The following PLCB1 variants were observed in gnomAD, a reference collection of about 807,000 sequenced individuals.
PLCB1 encodes phospholipase C beta 1.
Under a neutral mutation model 161.8 loss-of-function variants are expected in PLCB1, and 46 were observed. The observed-to-expected ratio is 0.28, with a 90% CI of 0.22 to 0.36. PLCB1 has a LOEUF of 0.36. Among genes scored for constraint, PLCB1 ranks in the 10% least tolerant of loss-of-function variants. The pLI, the probability that PLCB1 is intolerant of heterozygous loss-of-function variation, is 1.00. For synonymous variants in PLCB1, 517 were observed against 503.7 expected (o/e 1.03, Z -0.35); for missense variants, 1,016 against 1,472.5 (o/e 0.69, Z 5.07).
At chr20:8,474,276 G>C (rs1982175297) in intron 3 of PLCB1, among the ~76,000 whole-genome samples, 3 of 152,142 alleles carry the variant, frequency 2.0e-5, no homozygotes, top group Non-Finnish European at 2.9e-5. Context: ...AGAGTTTCAT[G>C]CTAGGAAGAA....
intron 4 of PLCB1, among the ~76,000 whole-genome samples, chr20:8,629,274 T>C (rs1988454603): frequency 6.6e-6 from 1 of 152,150 alleles, no homozygotes; most frequent in Non-Finnish European, 1.5e-5. Flanking sequence ...TAAGAACAAA[T>C]AATATTTATT....
intron 3 of PLCB1, among the ~76,000 whole-genome samples, chr20:8,525,739 A>T (rs2082454799): frequency 1.3e-5 from 2 of 152,110 alleles, no homozygotes. Flanking sequence ...AATGAAATGA[A>T]ATAAAATTCA....
intron 25 of PLCB1, among the ~76,000 whole-genome samples, chr20:8,761,733 G>A (rs1730564993): frequency 6.7e-6 from 1 of 150,062 alleles, no homozygotes. Context: ...GGCCAGGCTG[G>A]TCTCGAACTC....
At position 8,881,544 on chromosome 20, in the gene PLCB1, T is replaced by C. The variant is rs77083364; in HGVS notation, c.3424-78T>C. 0.019 allele frequency: 19,786 copies of C among 1,033,294 alleles called. 254 individuals are homozygous for C. Among genetic ancestry groups the C allele is most frequent in the Admixed American group, 0.028 (1,505 of 53,866 alleles). The allele number at this position is 1,033,294 out of a possible 1,614,324, so 64.0% of individuals were successfully genotyped here. On this transcript the variant is annotated intron_variant, in intron 31 of 31. Transcript: ENST00000338037. The stretch of plus-strand genomic sequence containing the variant: ...TATTCATCAGCCCCTTTTGTATATC[T>C]CTTTCAGAGAGTTTCTATGGGAGTG...
rs116660573 is a variant in PLCB1 at position 8,204,529 on chromosome 20, C to G, written c.177+54158C>G. Among the ~76,000 whole-genome samples, 243 of 152,122 alleles carry G rather than the reference C, an allele frequency of 1.6e-3. 1 individual carries two copies. The highest frequency in any genetic ancestry group is 5.7e-3 in the African/African-American group (235 of 41,510). ...GTGGAAAGTGTTTGGCTCATGGGGG[C>G]AGATCCCTCATGGCTTGGTGTTGTC... is the stretch of plus-strand genomic sequence containing the variant. On this transcript the variant is annotated intron_variant, in intron 2 of 31. Coordinates refer to ENST00000338037, the MANE Select transcript of PLCB1 (RefSeq NM_015192.4).
chr20:8,350,208 C>G (rs1386182471), intron 2 of PLCB1, among the ~76,000 whole-genome samples: 5 of 152,128 alleles, frequency 3.3e-5, no homozygotes, highest in Non-Finnish European at 5.9e-5. Flanking sequence ...GCCAAGCATC[C>G]ATTAGCTATT....
At chr20:8,512,613 T>C (rs901957373) in intron 3 of PLCB1, among the ~76,000 whole-genome samples, 1 of 152,078 alleles carries the variant, frequency 6.6e-6, no homozygotes, top group Admixed American at 6.6e-5. Context: ...GGTGCATTTA[T>C]GGGGTGCAAT....
intron 2 of PLCB1, among the ~76,000 whole-genome samples, chr20:8,360,835 A>G (rs566081609): frequency 3.9e-5 from 6 of 152,186 alleles, no homozygotes; most frequent in African/African-American, 1.4e-4. Flanking sequence ...CATATTCACA[A>G]TGTCTTATGA....
chr20:8,331,600 A>G (rs189838207), intron 2 of PLCB1, among the ~76,000 whole-genome samples: 70 of 152,312 alleles, frequency 4.6e-4, no homozygotes, highest in African/African-American at 1.5e-3. Context: ...AAACCATTAC[A>G]TCTTCAGTTA....
chr20:8,690,233 A>T (rs1015583524), intron 10 of PLCB1, among the ~76,000 whole-genome samples: 1 of 151,590 alleles, frequency 6.6e-6, no homozygotes, highest in Admixed American at 6.6e-5. Flanking sequence ...TAACCACTCA[A>T]CTGGGTTCTT....
chr20:8,522,672 G>T (rs1176402262), intron 3 of PLCB1, among the ~76,000 whole-genome samples: 1 of 152,162 alleles, frequency 6.6e-6, no homozygotes, highest in African/African-American at 2.4e-5. Context: ...ACAAGGCATT[G>T]AATAGTCTTA....
At chr20:8,225,765 A>G (rs1244494340) in intron 2 of PLCB1, among the ~76,000 whole-genome samples, 1 of 152,226 alleles carries the variant, frequency 6.6e-6, no homozygotes, top group Non-Finnish European at 1.5e-5. Flanking sequence ...TCTCACTTTC[A>G]GTTCTCACTT....
Position 8,253,574 on chromosome 20 carries a change from G to C in PLCB1, c.177+103203G>C, listed in dbSNP as rs373474601. On this transcript the variant is annotated intron_variant, in intron 2 of 31. Coordinates refer to ENST00000338037, the MANE Select transcript of PLCB1 (RefSeq NM_015192.4). ...TGGTTTTATTCACAGAGGACAGGAA[G>C]AATATTGAGTTGATATCTAGCAGTG... Among the ~76,000 whole-genome samples the C allele has an allele frequency of 3.2e-4, 48 of 152,124 alleles. 1 individual carries two copies. Among genetic ancestry groups the C allele is most frequent in the African/African-American group, 1.1e-3 (45 of 41,522 alleles).
intron 1 of PLCB1, among the ~76,000 whole-genome samples, chr20:8,134,809 C>G (rs529502126): frequency 1.2e-4 from 18 of 151,786 alleles, no homozygotes; most frequent in African/African-American, 3.4e-4. Context: ...CAAGGAAGCC[C>G]TCCTGAAAGA....
chr20:8,366,241 G>A (rs937076461), intron 2 of PLCB1, among the ~76,000 whole-genome samples: 1 of 151,834 alleles, frequency 6.6e-6, no homozygotes, highest in Non-Finnish European at 1.5e-5. Context: ...ATTTCTTTAC[G>A]ACTTTCTTTG....
chr20:8,342,204 C>T (rs1241583329), intron 2 of PLCB1, among the ~76,000 whole-genome samples: 1 of 152,126 alleles, frequency 6.6e-6, no homozygotes, highest in African/African-American at 2.4e-5. Flanking sequence ...CATTTTGCAT[C>T]GAGTGTGCAA....
Position 8,583,168 on chromosome 20 carries a change from G to C in PLCB1, c.247-45126G>C, listed in dbSNP as rs1057073258. Among the ~76,000 whole-genome samples the C allele has an allele frequency of 1.1e-4, 16 of 152,260 alleles. No individual in the cohort carries two copies. The South Asian group carries it at 3.1e-3, about 30-fold the overall frequency. ...AGCAGTCAAATTCATAGAAACAGAA[G>C]GTAGGATGGTGGTTGCCAGGGGCTA... On this transcript the variant is annotated intron_variant, in intron 3 of 31. Coordinates refer to ENST00000338037, the MANE Select transcript of PLCB1 (RefSeq NM_015192.4).
At chr20:8,670,966 T>C (rs1989928392) in intron 9 of PLCB1, among the ~76,000 whole-genome samples, 1 of 152,214 alleles carries the variant, frequency 6.6e-6, no homozygotes, top group Non-Finnish European at 1.5e-5. Flanking sequence ...GCTAAACCAC[T>C]GGGCTGGTAG....
chr20:8,859,198 A>G (rs1987171094), intron 31 of PLCB1, among the ~76,000 whole-genome samples: 1 of 152,220 alleles, frequency 6.6e-6, no homozygotes, highest in Non-Finnish European at 1.5e-5. Flanking sequence ...CTTGTTCTTG[A>G]TTGGCTCAAG....
Sources: gnomAD v4.1 joint callset for allele counts (sites outside exome capture counted in the v4.1 genomes callset) on GRCh38, gnomAD v4.1.1 for gene constraint, MANE v1.5 for transcripts, NCBI Gene and HGNC (gene_info 2026-07-23, HGNC 2026-07-21) for gene names.